Variants in GRIK2 observed in about 807,000 individuals in gnomAD.
GRIK2 encodes glutamate ionotropic receptor kainate type subunit 2, also known as glutamate receptor ionotropic, kainate 2.
Under a neutral mutation model 100.3 loss-of-function variants are expected in GRIK2, and 32 were observed. The ratio of observed to expected loss-of-function variants is 0.32; its 90% confidence interval spans 0.24 to 0.43. GRIK2 has a LOEUF of 0.43. Ranked by LOEUF, GRIK2 falls within the 20% of genes least tolerant of loss-of-function variation. The pLI is 1.00. For missense variants in GRIK2, 843 were observed against 1,114.9 expected (o/e 0.76, Z 3.47); for synonymous variants, 417 against 389.4 (o/e 1.07, Z -0.83).
intron 16 of GRIK2, among the ~76,000 whole-genome samples, chr6:102,057,236 A>C (rs1312032450): frequency 6.6e-6 from 1 of 151,946 alleles, no homozygotes; most frequent in Non-Finnish European, 1.5e-5. Flanking sequence ...ATTTTCTTTA[A>C]GTTATAGCTC....
At chr6:101,501,635 T>C (rs1014426661) in intron 2 of GRIK2, among the ~76,000 whole-genome samples, 1 of 152,214 alleles carries the variant, frequency 6.6e-6, no homozygotes, top group African/African-American at 2.4e-5. Flanking sequence ...CCATTTGTAC[T>C]TTTTTGTTTT....
chr6:101,939,401 T>C (rs1790816465), intron 14 of GRIK2, among the ~76,000 whole-genome samples: 2 of 152,096 alleles, frequency 1.3e-5, no homozygotes, highest in Non-Finnish European at 2.9e-5. Flanking sequence ...AGCTTAAATG[T>C]TGAATTGTTA....
intron 7 of GRIK2, among the ~76,000 whole-genome samples, chr6:101,691,079 G>A (rs925205620): frequency 2.6e-5 from 4 of 152,052 alleles, no homozygotes; most frequent in African/African-American, 9.7e-5. Context: ...TGTAAAACAG[G>A]AGCTCATAAT....
intron 14 of GRIK2, among the ~76,000 whole-genome samples, chr6:101,946,014 A>G (rs982423012): frequency 6.6e-6 from 1 of 151,450 alleles, no homozygotes; most frequent in East Asian, 1.9e-4. Context: ...TTTATGATAT[A>G]GTAAATTAAT....
At chr6:101,477,862 A>C (rs529110464) in intron 2 of GRIK2, among the ~76,000 whole-genome samples, 7 of 152,286 alleles carry the variant, frequency 4.6e-5, no homozygotes, top group Non-Finnish European at 8.8e-5. Flanking sequence ...TATATTGTGA[A>C]TTGCATCATA....
intron 11 of GRIK2, chr6:101,860,921 G>T (rs1234595932): frequency 1.1e-6 from 1 of 919,986 alleles, no homozygotes; most frequent in African/African-American, 1.8e-5. Flanking sequence ...TGAGGCATTA[G>T]GTATTGTTAG....
chr6:101,639,252 G>A (rs1487569760), intron 4 of GRIK2, among the ~76,000 whole-genome samples: 1 of 151,978 alleles, frequency 6.6e-6, no homozygotes, highest in Non-Finnish European at 1.5e-5. Flanking sequence ...TGGTCGGGTC[G>A]CAAACTCCTG....
Position 102,008,695 on chromosome 6 carries a change from G to A in GRIK2, c.2086-26646G>A, listed in dbSNP as rs568383293. On this transcript the variant is annotated intron_variant, in intron 14 of 16. Transcript: ENST00000369134. Reference sequence around the variant, plus strand: ...ATTTTCTAACAGTATTTATCTGATCGAAATAATTTTATGATTCCTAATGAA... The same window carrying A: ...ATTTTCTAACAGTATTTATCTGATCAAAATAATTTTATGATTCCTAATGAA... 1.4e-3 allele frequency among the ~76,000 whole-genome samples: 211 copies of A among 152,076 alleles called. 3 individuals are homozygous for A. The highest frequency in any genetic ancestry group is 4.7e-3 in the African/African-American group (194 of 41,518).
At chr6:101,806,028 C>G (rs1243701719) in intron 9 of GRIK2, among the ~76,000 whole-genome samples, 1 of 151,924 alleles carries the variant, frequency 6.6e-6, no homozygotes, top group Non-Finnish European at 1.5e-5. Flanking sequence ...TTAATTGGAA[C>G]CCAGCCCAAT....
At chr6:101,778,666 G>C (rs571299849) in intron 7 of GRIK2, among the ~76,000 whole-genome samples, 5 of 152,202 alleles carry the variant, frequency 3.3e-5, no homozygotes, top group African/African-American at 1.2e-4. Flanking sequence ...GATTTTTGCT[G>C]AGAAAAATTT....
At chr6:101,962,999 C>T (rs1289426713) in intron 14 of GRIK2, among the ~76,000 whole-genome samples, 4 of 150,596 alleles carry the variant, frequency 2.7e-5, no homozygotes, top group African/African-American at 9.8e-5. Context: ...TATTTTTAAT[C>T]CAGTGTGATA....
chr6:101,474,754 G>C (rs532183625), intron 2 of GRIK2, among the ~76,000 whole-genome samples: 5 of 151,498 alleles, frequency 3.3e-5, no homozygotes, highest in Non-Finnish European at 7.4e-5. Flanking sequence ...TACTTTGTTA[G>C]CTACGCAAGT....
At chr6:101,453,522 C>T (rs563661895) in intron 2 of GRIK2, among the ~76,000 whole-genome samples, 1 of 152,012 alleles carries the variant, frequency 6.6e-6, no homozygotes, top group East Asian at 1.9e-4. Context: ...GATTTGCAGA[C>T]GTGTTACATG....
At chr6:101,565,220 C>T (rs182358162) in intron 2 of GRIK2, among the ~76,000 whole-genome samples, 8 of 152,016 alleles carry the variant, frequency 5.3e-5, no homozygotes, top group Non-Finnish European at 1.0e-4. Context: ...AAAAATAGGC[C>T]CTTCTAAAGT....
At chr6:101,560,873 C>T (rs1047409209) in intron 2 of GRIK2, among the ~76,000 whole-genome samples, 2 of 152,092 alleles carry the variant, frequency 1.3e-5, no homozygotes, top group African/African-American at 4.8e-5. Context: ...ACTGTGCTAG[C>T]AAAAATCCTA....
intron 2 of GRIK2, among the ~76,000 whole-genome samples, chr6:101,464,497 C>CTTTCT (rs1771513927): frequency 3.2e-5 from 2 of 62,012 alleles, no homozygotes; most frequent in African/African-American, 1.2e-4. Context: ...CTTTTTCTTT[C>CTTTCT]TTTTTTTTTT....
chr6:101,416,994 C>A (rs2128239320), intron 2 of GRIK2, among the ~76,000 whole-genome samples: 1 of 152,274 alleles, frequency 6.6e-6, no homozygotes, highest in South Asian at 2.1e-4. Flanking sequence ...TGTTCTCATG[C>A]TGCTAATAAA....
chr6:101,445,446 C>T (rs962719658), intron 2 of GRIK2, among the ~76,000 whole-genome samples: 5 of 152,052 alleles, frequency 3.3e-5, no homozygotes, highest in Admixed American at 2.6e-4. Flanking sequence ...TCTCCTCCCC[C>T]GAGTCCTTCT....
Position 101,432,259 on chromosome 6 carries a change from G to A in GRIK2, c.115+32867G>A, listed in dbSNP as rs971215037. On this transcript the variant is annotated intron_variant, in intron 2 of 16. Coordinates refer to ENST00000369134, the MANE Select transcript of GRIK2 (RefSeq NM_021956.5). ...CCACCCCTAGGAAGAGTTGCTTCCT[G>A]AATCATTCATTGAACTAATATTTAC... 3.9e-5 allele frequency among the ~76,000 whole-genome samples: 6 copies of A among 152,044 alleles called. No individual in the cohort carries two copies. The South Asian group carries it at 1.2e-3, about 32-fold the overall frequency.
Sources: gnomAD v4.1 joint callset for allele counts (sites outside exome capture counted in the v4.1 genomes callset) on GRCh38, gnomAD v4.1.1 for gene constraint, MANE v1.5 for transcripts, NCBI Gene and HGNC (gene_info 2026-07-23, HGNC 2026-07-21) for gene names.